LGALS2: variants seen among roughly 807,000 people sequenced by gnomAD.
LGALS2 encodes galectin-2.
In LGALS2, 7 loss-of-function variants were observed where a neutral mutation model predicts 10.1. The observed-to-expected ratio is 0.70, with a 90% CI of 0.40 to 1.31. The LOEUF is 1.31. Among genes scored for constraint, LGALS2 ranks in the 50% most tolerant of loss-of-function variants. The pLI is 0.01. For synonymous variants in LGALS2, 86 were observed against 64.2 expected, an observed-to-expected ratio of 1.34 and a Z score of -1.63; for missense variants, 167 against 163.6, an observed-to-expected ratio of 1.02 and a Z score of -0.11.
At chr22:37,570,766 AG>A in intron 2 of LGALS2, 31 bp from the exon 3 acceptor site, 1 of 1,613,740 alleles carries the variant, frequency 6.2e-7, no homozygotes, top group Non-Finnish European at 8.5e-7. Context: ...GGTGAGGTTC[AG>A]GGCTCAGGCC....
At chr22:37,579,452 G>A (rs2145825123) in intron 1 of LGALS2, among the ~76,000 whole-genome samples, 1 of 151,934 alleles carries the variant, frequency 6.6e-6, no homozygotes, top group Middle Eastern at 3.4e-3. Context: ...GTTGTTTTGA[G>A]ATGGAGTCTC....
Position 37,571,950 on chromosome 22 carries a change from A to G in LGALS2, c.7-19T>C, listed in dbSNP as rs1264444636. 2 of 1,601,304 alleles carry G rather than the reference A, an allele frequency of 1.2e-6. No homozygotes were observed. The highest frequency in any genetic ancestry group is 1.7e-5 in the Admixed American group (1 of 60,004). ...GTTCCCCCTGGGCCAACAGAGAAAC[A>G]TTCCACTCGAGTCCCCACAGAAAAT... is the stretch of plus-strand genomic sequence containing the variant. On this transcript the variant is annotated intron_variant, in intron 1 of 3. Coordinates refer to ENST00000215886, the MANE Select transcript of LGALS2 (RefSeq NM_006498.3).
At chr22:37,574,793 C>A (rs1925617901) in intron 1 of LGALS2, among the ~76,000 whole-genome samples, 1 of 151,846 alleles carries the variant, frequency 6.6e-6, no homozygotes, top group African/African-American at 2.4e-5. Flanking sequence ...CTCCTCTCTG[C>A]AGAGGAGGAA....
At position 37,579,082 on chromosome 22, in the gene LGALS2, C is replaced by CAA. The variant is rs199979836; in HGVS notation, c.6+816_6+817dup. Among the ~76,000 whole-genome samples, 100 of 124,732 alleles carry CAA rather than the reference C, an allele frequency of 8.0e-4. 3 individuals carry two copies. Among genetic ancestry groups the CAA allele is most frequent in the African/African-American group, 1.1e-3 (37 of 33,794 alleles). The allele number at this position is 124,732 out of a possible 152,430, so 81.8% of individuals were successfully genotyped here. A position where few individuals can be genotyped will look rare whatever the true frequency, so the allele number is the denominator to read the frequency against. On this transcript the variant is annotated intron_variant, in intron 1 of 3. Transcript: ENST00000215886. ...AGCCTGGGCAACAGAAACTCCATCT[C>CAA]AACAAAAAAAAAAAAATTAGCCAGG...
chr22:37,572,001 C>T, intron 1 of LGALS2, 70 bp from the exon 2 acceptor site: 1 of 1,283,956 alleles, frequency 7.8e-7, no homozygotes, highest in Non-Finnish European at 1.1e-6. Flanking sequence ...CCAGCAGCTT[C>T]ATCCACCTCA....
intron 1 of LGALS2, among the ~76,000 whole-genome samples, chr22:37,576,312 C>G (rs562937746): frequency 6.6e-6 from 1 of 151,780 alleles, no homozygotes; most frequent in Non-Finnish European, 1.5e-5. Context: ...ATTAGCCGGG[C>G]GTGGTGGCAG....
rs57575086 is a variant in LGALS2, at chr22:37,572,981, C to CA, written c.7-1051dup. The stretch of plus-strand genomic sequence containing the variant: ...AGTGACTTTTCATCTCAAAGAAAAA[C>CA]AAAAAAAAAAGGCCGGGCACAGTGG... On this transcript the variant is annotated intron_variant, in intron 1 of 3. Coordinates refer to ENST00000215886, the MANE Select transcript of LGALS2 (RefSeq NM_006498.3). Among the ~76,000 whole-genome samples, 230 of 135,100 alleles carry CA rather than the reference C, an allele frequency of 1.7e-3. 1 individual carries two copies. Among genetic ancestry groups the CA allele is most frequent in the Middle Eastern group, 8.6e-3 (2 of 232 alleles). 88.6% of individuals were successfully genotyped at this position (135,100 alleles called of 152,430 possible).
Position 37,570,402 on chromosome 22 carries a change from G to A in LGALS2, c.260C>T (p.Thr87Ile), listed in dbSNP as rs73884090. 5.1e-3 allele frequency: 8,149 copies of A among 1,613,560 alleles called. 373 individuals are homozygous for A. The African/African-American group carries it at 0.096, about 19-fold the overall frequency. ...CACCTTGAATTTGTCACTCTCAAAG[G>A]TCACTGTGAACTGTGGGGAGGGAGG... The part of the protein sequence containing the change: ...SPGSEVKFTV[T>I]FESDKFKVKL... The change falls in exon 4 of 4, where the codon ACC (threonine) becomes ATC (isoleucine). Residue 87 changes from threonine to isoleucine, a missense_variant. Transcript: ENST00000215886.
intron 1 of LGALS2, among the ~76,000 whole-genome samples, chr22:37,572,608 A>T (rs1020900043): frequency 2.0e-5 from 3 of 151,910 alleles, no homozygotes; most frequent in Non-Finnish European, 4.4e-5. Flanking sequence ...TCTACTAAAA[A>T]TACAAAAAGT....
chr22:37,575,520 A>T (rs567562787), intron 1 of LGALS2, among the ~76,000 whole-genome samples: 1 of 151,830 alleles, frequency 6.6e-6, no homozygotes, highest in Non-Finnish European at 1.5e-5. Context: ...GAGTGCAGTG[A>T]TATGATCAGA....
chr22:37,570,599 A>G lies in LGALS2; in HGVS notation c.226T>C (p.Phe76Leu). Reference protein sequence around the residue: ...GQEQREDHLCFSPGSEVKFTV... With the variant: ...GQEQREDHLCLSPGSEVKFTV... ...ACCTTGACCTCTGACCCTGGGCTGA[A>G]GCACAGGTGATCTTCCCGTTGTTCT... The change falls in exon 3 of 4, where the codon TTC (phenylalanine) becomes CTC (leucine). Residue 76 changes from phenylalanine (F) to leucine (L), a missense_variant. Coordinates refer to ENST00000215886, the MANE Select transcript of LGALS2 (RefSeq NM_006498.3). 1 of 1,614,272 alleles carries G rather than the reference A, an allele frequency of 6.2e-7. No homozygotes were observed. Among genetic ancestry groups the G allele is most frequent in the Non-Finnish European group, 8.5e-7 (1 of 1,180,054 alleles).
intron 1 of LGALS2, among the ~76,000 whole-genome samples, chr22:37,573,156 AG>A (rs1374056701): frequency 6.6e-6 from 1 of 152,070 alleles, no homozygotes; most frequent in Non-Finnish European, 1.5e-5. Flanking sequence ...CTATAGTCCC[AG>A]CTACTTGGGA....
chr22:37,572,800 A>AAT (rs58736732), intron 1 of LGALS2, among the ~76,000 whole-genome samples: 7 of 122,350 alleles, frequency 5.7e-5, no homozygotes, highest in Non-Finnish European at 1.0e-4. Context: ...TAATAATAAT[A>AAT]AATAAAATAA....
intron 1 of LGALS2, among the ~76,000 whole-genome samples, chr22:37,577,535 C>T (rs62235967): frequency 0.46 from 66,637 of 146,192 alleles, 15,647 homozygotes; most frequent in African/African-American, 0.51. Context: ...TCTTCTTCTT[C>T]TTCTTTTTTG....
chr22:37,574,095 CTTG>C (rs1471047294), intron 1 of LGALS2, among the ~76,000 whole-genome samples: 2 of 152,072 alleles, frequency 1.3e-5, no homozygotes, highest in Admixed American at 1.3e-4. Flanking sequence ...ATTTTGATTA[CTTG>C]TTGTTAAGAT....
intron 1 of LGALS2, among the ~76,000 whole-genome samples, chr22:37,577,590 G>A (rs1925728836): frequency 6.6e-6 from 1 of 151,440 alleles, no homozygotes; most frequent in South Asian, 2.1e-4. Context: ...TGTTGGCCAG[G>A]CTGGTCTTGA....
At position 37,570,586 on chromosome 22, in the gene LGALS2, G is replaced by A. The variant is rs1224780259; in HGVS notation, c.239C>T (p.Ser80Leu). The change falls in exon 3 of 4, where the codon TCA becomes TTA. Residue 80 changes from serine to leucine, a missense_variant. Coordinates refer to ENST00000215886, the MANE Select transcript of LGALS2 (RefSeq NM_006498.3). Reference protein sequence around the residue: ...REDHLCFSPGSEVKFTVTFES... With the variant: ...REDHLCFSPGLEVKFTVTFES... ...CCCCTTTGACCTCACCTTGACCTCT[G>A]ACCCTGGGCTGAAGCACAGGTGATC... The A allele has an allele frequency of 1.9e-6, 3 of 1,614,192 alleles. No individual in the cohort carries two copies. Among genetic ancestry groups the A allele is most frequent in the South Asian group, 1.1e-5 (1 of 91,058 alleles).
chr22:37,572,108 G>C (rs895935609), intron 1 of LGALS2, among the ~76,000 whole-genome samples, 177 bp from the exon 2 acceptor site: 1 of 152,264 alleles, frequency 6.6e-6, no homozygotes, highest in African/African-American at 2.4e-5. Context: ...TCTGATCAAG[G>C]CCTCCCAGAG....
At chr22:37,573,691 C>A (rs1320383158) in intron 1 of LGALS2, among the ~76,000 whole-genome samples, 2 of 151,960 alleles carry the variant, frequency 1.3e-5, no homozygotes, top group Non-Finnish European at 2.9e-5. Context: ...AATCACAGGA[C>A]CACCATCATT....
Sources: allele counts gnomAD v4.1 joint callset (sites outside exome capture counted in the v4.1 genomes callset), GRCh38; gene constraint gnomAD v4.1.1; transcripts MANE v1.5; gene names NCBI Gene and HGNC (gene_info 2026-07-23, HGNC 2026-07-21).